Variants in MMP24 observed in about 807,000 individuals in gnomAD.
MMP24 encodes the protein matrix metallopeptidase 24.
A neutral mutation model predicts 62.8 loss-of-function variants in MMP24; 25 were observed. The observed-to-expected ratio is 0.40, with a 90% CI of 0.29 to 0.56. The LOEUF (loss-of-function observed/expected upper bound fraction) is 0.56, where lower values mean the gene tolerates loss of function less well. MMP24 is among the 20% of genes least tolerant of loss of function. The pLI is 0.50. For synonymous variants in MMP24, 319 were observed against 350.5 expected (o/e 0.91, Z 1.00); for missense variants, 634 against 853.6 (o/e 0.74, Z 3.21).
Position 35,254,704 on chromosome 20 carries a change from C to T in MMP24, c.767C>T (p.Thr256Ile), listed in dbSNP as rs999960638. 6.2e-7 allele frequency: 1 copy of T among 1,614,040 alleles called. No homozygotes were observed. Among genetic ancestry groups the T allele is most frequent in the Non-Finnish European group, 8.5e-7 (1 of 1,180,032 alleles). Residue 256 changes from threonine (T) to isoleucine (I), a missense_variant, in exon 4 of 9, where the codon ACC becomes ATC. Thr to Ile is a moderately conservative substitution (Grantham distance 89). Around this residue, in one of 3 missense-constraint regions of MMP24, gnomAD observed 23 missense variants for 63.1 expected, o/e 0.36. Transcript: ENST00000246186. The part of the protein sequence containing the change: ...YFPGPGIGGD[T>I]HFDSDEPWTL... ...CCTGGCCCAGGGATTGGAGGAGACA[C>T]CCACTTTGACTCCGATGAGCCATGG...
intron 7 of MMP24, among the ~76,000 whole-genome samples, chr20:35,270,417 G>A (rs1345171876): frequency 6.6e-6 from 1 of 152,248 alleles, no homozygotes; most frequent in Non-Finnish European, 1.5e-5. Flanking sequence ...CGGCCACAGG[G>A]CTTAGAAGGC....
chr20:35,257,218 C>T (rs976237267), intron 4 of MMP24, among the ~76,000 whole-genome samples: 2 of 152,212 alleles, frequency 1.3e-5, no homozygotes, highest in Non-Finnish European at 2.9e-5. Flanking sequence ...CAAGGCTCAG[C>T]CTAGGCAAAG....
intron 5 of MMP24, among the ~76,000 whole-genome samples, chr20:35,264,936 G>A (rs959917857): frequency 1.3e-5 from 2 of 152,118 alleles, no homozygotes; most frequent in African/African-American, 4.8e-5. Context: ...ACAGGCTACG[G>A]AGCACAGAAG....
At chr20:35,228,897 A>C (rs2060426482) in intron 1 of MMP24, among the ~76,000 whole-genome samples, 1 of 152,210 alleles carries the variant, frequency 6.6e-6, no homozygotes. Flanking sequence ...CTCCAGATAC[A>C]GGACCCTACG....
At chr20:35,266,970 T>C (rs1035687214) in intron 5 of MMP24, among the ~76,000 whole-genome samples, 7 of 152,188 alleles carry the variant, frequency 4.6e-5, no homozygotes, top group Middle Eastern at 3.4e-3. Flanking sequence ...ATGATTGCTC[T>C]GTAACAGGAG....
chr20:35,276,155 C>A lies in MMP24; in HGVS notation c.*1546C>A, dbSNP rs2060704561. The A allele has an allele frequency of 2.5e-6, 1 of 398,700 alleles. No individual in the cohort carries two copies. Among genetic ancestry groups the A allele is most frequent in the African/African-American group, 2.1e-5 (1 of 48,768 alleles). The allele number at this position is 398,700 out of a possible 1,614,324, so 24.7% of individuals were successfully genotyped here. On this transcript the variant is annotated 3_prime_UTR_variant, in exon 9 of 9. Coordinates refer to ENST00000246186, the MANE Select transcript of MMP24 (RefSeq NM_006690.4). The stretch of plus-strand genomic sequence containing the variant: ...GGTCTCTGGGATTGGGGTCGGCTTA[C>A]CCTGTAGCACAGACAGGGACTCCTG...
chr20:35,258,934 C>T lies in MMP24; in HGVS notation c.817+4180C>T, dbSNP rs555826248. On this transcript the variant is annotated intron_variant, in intron 4 of 8. Coordinates refer to ENST00000246186, the MANE Select transcript of MMP24 (RefSeq NM_006690.4). ...TGGGAGCACTGGAGTAATCCCAGCA[C>T]TTTGGGAGGCCGAGGGGGGGCAGAT... Among the ~76,000 whole-genome samples the T allele has an allele frequency of 8.6e-5, 13 of 151,810 alleles. No individual in the cohort carries two copies. In the South Asian group the frequency reaches 1.9e-3, roughly 22 times the overall value.
chr20:35,268,291 C>CCTGCTGGCCACA (rs1194873876), intron 6 of MMP24, among the ~76,000 whole-genome samples: 4 of 152,234 alleles, frequency 2.6e-5, no homozygotes, highest in Admixed American at 1.3e-4. Context: ...TTGAAAACTG[C>CCTGCTGGCCACA]CTGCTGGCCA....
chr20:35,271,732 C>T lies in MMP24; in HGVS notation c.1497C>T (p.Tyr499=), dbSNP rs1290300421. The T allele has an allele frequency of 6.2e-7, 1 of 1,606,384 alleles. No homozygotes were observed. Among genetic ancestry groups the T allele is most frequent in the Non-Finnish European group, 8.5e-7 (1 of 1,176,830 alleles). Residue 499 remains tyrosine, a synonymous_variant, in exon 8 of 9, where the codon TAC becomes TAT. Transcript: ENST00000246186. This position sits in a 1 kb window ranked among gnomAD's most constrained non-coding sequence, Gnocchi z 4.0. The stretch of plus-strand genomic sequence containing the variant: ...TCAAAGGCGAGCGGTACTGGCGCTA[C>T]AGCGAGGAGCGGCGGGCCACGGACC... ...YFFKGERYWR[Y]SEERRATDPG...
chr20:35,245,441 T>C (rs759274613), intron 1 of MMP24, among the ~76,000 whole-genome samples: 3 of 151,952 alleles, frequency 2.0e-5, no homozygotes, highest in Non-Finnish European at 2.9e-5. Flanking sequence ...TATATAGGCA[T>C]ATATGTATAT....
intron 1 of MMP24, 129 bp from the exon 2 acceptor site, chr20:35,246,711 A>C: frequency 9.3e-7 from 1 of 1,076,428 alleles, no homozygotes; most frequent in Non-Finnish European, 1.4e-6. Flanking sequence ...GTGAAGGAAA[A>C]AGAACTCAGA....
intron 4 of MMP24, among the ~76,000 whole-genome samples, chr20:35,255,755 G>T (rs1295936326): frequency 1.3e-5 from 2 of 152,220 alleles, no homozygotes; most frequent in Non-Finnish European, 2.9e-5. Flanking sequence ...TACTGGCTAT[G>T]TGATACCCTC....
intron 3 of MMP24, among the ~76,000 whole-genome samples, chr20:35,253,482 A>G (rs372089119): frequency 1.8e-4 from 28 of 152,146 alleles, no homozygotes; most frequent in African/African-American, 6.7e-4. Flanking sequence ...AGAAAGAAGC[A>G]CTGGGTTCTA....
intron 2 of MMP24, among the ~76,000 whole-genome samples, chr20:35,250,790 A>G (rs2146215106): frequency 6.6e-6 from 1 of 152,212 alleles, no homozygotes; most frequent in South Asian, 2.1e-4. Flanking sequence ...CCATTAAACA[A>G]CCAGATCTCA....
At chr20:35,245,625 T>A (rs2060510724) in intron 1 of MMP24, among the ~76,000 whole-genome samples, 1 of 151,814 alleles carries the variant, frequency 6.6e-6, no homozygotes, top group South Asian at 2.1e-4. Context: ...ATTTTTGTAT[T>A]TTTAGTAGAG....
intron 1 of MMP24, among the ~76,000 whole-genome samples, chr20:35,237,624 T>C (rs1404929728): frequency 2.0e-5 from 3 of 152,262 alleles, no homozygotes; most frequent in Admixed American, 1.3e-4. Context: ...ATCATCTCAC[T>C]GAGTCCTCCT....
chr20:35,229,481 T>G (rs2060428720), intron 1 of MMP24, among the ~76,000 whole-genome samples: 1 of 152,074 alleles, frequency 6.6e-6, no homozygotes, highest in South Asian at 2.1e-4. Flanking sequence ...ATTTTAAATG[T>G]CTAATACATT....
At chr20:35,254,888 C>A in intron 4 of MMP24, 134 bp downstream of exon 4, 1 of 1,003,140 alleles carries the variant, frequency 1.0e-6, no homozygotes, top group Admixed American at 2.9e-5. Context: ...AGGGTGGGAA[C>A]TGTGATTTCT....
At chr20:35,262,084 G>A (rs2060606636) in intron 4 of MMP24, among the ~76,000 whole-genome samples, 1 of 152,168 alleles carries the variant, frequency 6.6e-6, no homozygotes, top group Non-Finnish European at 1.5e-5. Flanking sequence ...TTACAGGCGT[G>A]AGCCACCACG....
Sources: gnomAD v4.1 joint callset for allele counts (sites outside exome capture counted in the v4.1 genomes callset) on GRCh38, gnomAD v4.1.1 for gene constraint, gnomAD v4.1.1 regional missense constraint, Gnocchi (gnomAD v3.1) non-coding constraint, MANE v1.5 for transcripts, NCBI Gene and HGNC (gene_info 2026-07-23, HGNC 2026-07-21) for gene names.